POLR3B: variants seen among roughly 807,000 people sequenced by gnomAD.
POLR3B encodes the protein DNA-directed RNA polymerase III subunit RPC2.
A neutral mutation model predicts 147.4 loss-of-function variants in POLR3B; 96 were observed. The observed-to-expected ratio is 0.65, with a 90% confidence interval of 0.55 to 0.77. POLR3B has a LOEUF of 0.77. Among genes scored for constraint, POLR3B ranks in the 30% least tolerant of loss-of-function variants. POLR3B has a pLI of 0.00. For synonymous variants in POLR3B, 461 were observed against 485.9 expected, an observed-to-expected ratio of 0.95 and a Z score of 0.67; for missense variants, 1,036 against 1,413.5, an observed-to-expected ratio of 0.73 and a Z score of 4.28.
intron 6 of POLR3B, among the ~76,000 whole-genome samples, chr12:106,370,429 T>C (rs144735787): frequency 2.0e-5 from 3 of 152,298 alleles, no homozygotes; most frequent in Non-Finnish European, 2.9e-5. Flanking sequence ...TATGTAATTA[T>C]GGCACCATTT....
intron 23 of POLR3B, among the ~76,000 whole-genome samples, chr12:106,467,452 C>T (rs958055670): frequency 6.6e-6 from 1 of 152,190 alleles, no homozygotes; most frequent in East Asian, 1.9e-4. Flanking sequence ...ATTGGGTTCT[C>T]TTGCCTGATT....
rs576354608 is a variant in POLR3B at position 106,460,218 on chromosome 12, G to A, written c.2570+850G>A. ...TGCCTGCAATGAGTCATATTTAGTT[G>A]GCAAAGACCCCCACACAAAAAAAGT... On this transcript the variant is annotated intron_variant, in intron 22 of 27. Transcript: ENST00000228347. Among the ~76,000 whole-genome samples the A allele has an allele frequency of 3.3e-5, 5 of 152,190 alleles. No homozygotes were observed. In the East Asian group the frequency reaches 9.6e-4, roughly 29 times the overall value.
At chr12:106,383,522 T>C (rs968107500) in intron 9 of POLR3B, among the ~76,000 whole-genome samples, 1 of 152,070 alleles carries the variant, frequency 6.6e-6, no homozygotes, top group Admixed American at 6.6e-5. Context: ...CTAATTTCAC[T>C]ATTGTTGTGT....
At chr12:106,445,493 TG>T (rs1334043115) in intron 19 of POLR3B, among the ~76,000 whole-genome samples, 1 of 152,082 alleles carries the variant, frequency 6.6e-6, no homozygotes, top group Non-Finnish European at 1.5e-5. Context: ...GGCTGCCTAG[TG>T]TAGCATGGTA....
intron 23 of POLR3B, among the ~76,000 whole-genome samples, chr12:106,480,195 G>T (rs1422599125): frequency 6.6e-6 from 1 of 152,000 alleles, no homozygotes; most frequent in Non-Finnish European, 1.5e-5. Context: ...TCTCTCGATA[G>T]GATTTTCCTC....
intron 2 of POLR3B, among the ~76,000 whole-genome samples, chr12:106,364,888 C>T (rs992802604): frequency 4.6e-5 from 7 of 152,212 alleles, no homozygotes; most frequent in Non-Finnish European, 1.0e-4. Context: ...GTAATCCCAG[C>T]ACCTGGGGAG....
At chr12:106,506,688 C>G (rs1333909016) in intron 27 of POLR3B, among the ~76,000 whole-genome samples, 1 of 152,186 alleles carries the variant, frequency 6.6e-6, no homozygotes, top group Non-Finnish European at 1.5e-5. Context: ...TCAGGTTATA[C>G]AGTTTGAGGG....
In POLR3B at chr12:106,411,211, T is replaced by C. The variant is rs2037221909; in HGVS notation, c.1101+251T>C. ...TGGAGTGCAATGGCACGATCTCAGCTCACTGCAACCTTGGCATCCTGGGTT... is the reference window on the plus strand; with the variant it reads ...TGGAGTGCAATGGCACGATCTCAGCCCACTGCAACCTTGGCATCCTGGGTT... On this transcript the variant is annotated intron_variant, in intron 12 of 27. Coordinates refer to ENST00000228347, the MANE Select transcript of POLR3B (RefSeq NM_018082.6). Among the ~76,000 whole-genome samples the C allele has an allele frequency of 2.6e-5, 4 of 152,200 alleles. No homozygotes were observed. In the South Asian group the frequency reaches 8.3e-4, roughly 31 times the overall value.
chr12:106,387,637 G>A (rs972733253), intron 9 of POLR3B, among the ~76,000 whole-genome samples: 4 of 152,132 alleles, frequency 2.6e-5, no homozygotes, highest in Admixed American at 2.6e-4. Context: ...ATAAATTGAT[G>A]GGAATTTGTT....
chr12:106,469,041 T>G (rs1310407044), intron 23 of POLR3B, among the ~76,000 whole-genome samples: 3 of 152,134 alleles, frequency 2.0e-5, no homozygotes, highest in Non-Finnish European at 2.9e-5. Context: ...GACAGTGGGG[T>G]GTTAAAGTCT....
Position 106,509,820 on chromosome 12 carries a change from G to T in POLR3B, c.*271G>T. On this transcript the variant is annotated 3_prime_UTR_variant, in exon 28 of 28. Transcript: ENST00000228347. ...TGGATGTGACCTAAAGGATAAATAA[G>T]CTATTACTTATGTGCTGATCTCTTG... The T allele has an allele frequency of 2.6e-6, 1 of 383,208 alleles. No individual in the cohort carries two copies. Among genetic ancestry groups the T allele is most frequent in the Non-Finnish European group, 5.0e-6 (1 of 200,242 alleles). The allele number at this position is 383,208 out of a possible 1,614,324, so 23.7% of individuals were successfully genotyped here. A position where few individuals can be genotyped will look rare whatever the true frequency, so the allele number is the denominator to read the frequency against.
At chr12:106,364,150 T>C (rs2036502084) in intron 2 of POLR3B, among the ~76,000 whole-genome samples, 5 of 152,116 alleles carry the variant, frequency 3.3e-5, no homozygotes, top group Admixed American at 3.3e-4. Context: ...AAAACCAAAG[T>C]GCTATCAGCA....
chr12:106,433,884 G>T lies in POLR3B; in HGVS notation c.1781+12G>T. The T allele has an allele frequency of 1.2e-6, 2 of 1,607,352 alleles. No individual in the cohort carries two copies. Among genetic ancestry groups the T allele is most frequent in the Non-Finnish European group, 1.7e-6 (2 of 1,174,580 alleles). ...GGAAGGCTATGCAGGTATATATGCA[G>T]GTTACTAAAAAGAGTTTTTAAGAAT... On this transcript the variant is annotated intron_variant, in intron 16 of 27. Transcript: ENST00000228347.
intron 27 of POLR3B, among the ~76,000 whole-genome samples, chr12:106,505,479 G>A (rs1251617074): frequency 6.6e-6 from 1 of 151,956 alleles, no homozygotes; most frequent in Non-Finnish European, 1.5e-5. Flanking sequence ...GTAGAGACAG[G>A]GTTTCACCAT....
At chr12:106,405,119 T>G (rs890045308) in intron 10 of POLR3B, among the ~76,000 whole-genome samples, 4 of 152,196 alleles carry the variant, frequency 2.6e-5, no homozygotes, top group African/African-American at 9.7e-5. Flanking sequence ...CACACTGTTT[T>G]GATTACTTAG....
Position 106,454,506 on chromosome 12 carries a change from T to C in POLR3B, c.2088T>C (p.Thr696=), listed in dbSNP as rs1323408972. The C allele has an allele frequency of 6.5e-7, 1 of 1,527,744 alleles. No homozygotes were observed. The highest frequency in any genetic ancestry group is 9.1e-7 in the Non-Finnish European group (1 of 1,101,430). The allele number at this position is 1,527,744 out of a possible 1,614,324, so 94.6% of individuals were successfully genotyped here. ...QCAMGKQAMG[T]IGYNQRNRID... ...TTTTCTCCCATATCAATGCAGGTACTATAGGATACAACCAGCGAAACAGAA... is the reference window on the plus strand; with the variant it reads ...TTTTCTCCCATATCAATGCAGGTACCATAGGATACAACCAGCGAAACAGAA... Residue 696 remains threonine (T), a synonymous_variant, in exon 20 of 28, where the codon ACT becomes ACC. Transcript: ENST00000228347.
intron 14 of POLR3B, 42 bp downstream of exon 14, chr12:106,430,515 A>G (rs1294389515): frequency 6.6e-7 from 1 of 1,514,560 alleles, no homozygotes; most frequent in Non-Finnish European, 9.2e-7. Flanking sequence ...AAGAGGCGAT[A>G]CCTATGTCTG....
At chr12:106,402,725 A>G (rs2037086452) in intron 10 of POLR3B, among the ~76,000 whole-genome samples, 1 of 152,256 alleles carries the variant, frequency 6.6e-6, no homozygotes, top group Non-Finnish European at 1.5e-5. Flanking sequence ...TCCCTATTTA[A>G]TAAACGGTGC....
chr12:106,427,347 G>A lies in POLR3B; in HGVS notation c.1252G>A (p.Ala418Thr). The A allele has an allele frequency of 1.9e-6, 3 of 1,612,900 alleles. No individual in the cohort carries two copies. Among genetic ancestry groups the A allele is most frequent in the Non-Finnish European group, 2.5e-6 (3 of 1,179,038 alleles). Residue 418 changes from alanine (A) to threonine (T), a missense_variant, in exon 13 of 28, where the codon GCT becomes ACT. This residue lies in a region of POLR3B where 89 missense variants were observed against 110.9 expected (regional missense o/e 0.80). Coordinates refer to ENST00000228347, the MANE Select transcript of POLR3B (RefSeq NM_018082.6). The stretch of plus-strand genomic sequence containing the variant: ...CCAGATCACCAATGGCATGGTGAAT[G>A]CTATTTCTACCGTAAGTCTTCAGTC... The part of the protein sequence containing the change: ...QDQITNGMVN[A>T]ISTGNWSLKR...
Sources: allele counts gnomAD v4.1 joint callset (sites outside exome capture counted in the v4.1 genomes callset), GRCh38; gene constraint gnomAD v4.1.1; regional missense constraint gnomAD v4.1.1; transcripts MANE v1.5; gene names NCBI Gene and HGNC (gene_info 2026-07-23, HGNC 2026-07-21).